Variants in DIP2C observed in about 807,000 individuals in gnomAD.
The protein encoded by DIP2C is disco-interacting protein 2 homolog C.
In DIP2C, 33 loss-of-function variants were observed where a neutral mutation model predicts 192.4. The ratio of observed to expected loss-of-function variants is 0.17; its 90% CI spans 0.13 to 0.23. The LOEUF is 0.23. DIP2C is among the 10% of genes least tolerant of loss of function. The probability of loss-of-function intolerance (pLI) is 1.00; values close to 1 mark genes in which losing one functional copy is unlikely to be tolerated. For missense variants in DIP2C, 1,537 were observed against 2,110.1 expected (o/e 0.73, Z 5.32); for synonymous variants, 979 against 864.1 (o/e 1.13, Z -2.33).
At chr10:602,725 C>T (rs1396829649) in intron 1 of DIP2C, among the ~76,000 whole-genome samples, 2 of 152,214 alleles carry the variant, frequency 1.3e-5, no homozygotes, top group Admixed American at 1.3e-4. Flanking sequence ...CCAGAGGCCT[C>T]CCGTGAGCCA....
intron 24 of DIP2C, among the ~76,000 whole-genome samples, chr10:354,766 A>C (rs1958997338): frequency 6.6e-6 from 1 of 152,000 alleles, no homozygotes; most frequent in Non-Finnish European, 1.5e-5. Flanking sequence ...GGGGTGCCGA[A>C]GGAGGCTGGA....
intron 1 of DIP2C, among the ~76,000 whole-genome samples, chr10:507,121 G>A (rs1245963640): frequency 6.7e-6 from 1 of 150,086 alleles, no homozygotes; most frequent in Non-Finnish European, 1.5e-5. Context: ...GCGAGGTTAG[G>A]GACCTGGTCA....
At chr10:574,136 G>T (rs993633976) in intron 1 of DIP2C, among the ~76,000 whole-genome samples, 1 of 152,170 alleles carries the variant, frequency 6.6e-6, no homozygotes, top group Non-Finnish European at 1.5e-5. Flanking sequence ...TGACTACACG[G>T]CCAGTAAGTT....
chr10:606,575 T>A (rs1361344145), intron 1 of DIP2C, among the ~76,000 whole-genome samples: 3 of 146,820 alleles, frequency 2.0e-5, no homozygotes, highest in Admixed American at 6.8e-5. Context: ...AGGGGATCTC[T>A]CGCCCCGCTG....
chr10:292,743 TTCA>T (rs1484462894), intron 32 of DIP2C, among the ~76,000 whole-genome samples: 1 of 152,220 alleles, frequency 6.6e-6, no homozygotes, highest in Non-Finnish European at 1.5e-5. Flanking sequence ...AATCAGGTTT[TTCA>T]TCATTTGTCT....
At chr10:674,876 G>T in intron 1 of DIP2C, among the ~76,000 whole-genome samples, 1 of 147,088 alleles carries the variant, frequency 6.8e-6, no homozygotes. Context: ...TTTCAGCACT[G>T]GAGATCATCT....
intron 29 of DIP2C, among the ~76,000 whole-genome samples, chr10:331,602 A>G (rs1001933698): frequency 2.6e-5 from 4 of 152,372 alleles, no homozygotes; most frequent in African/African-American, 9.6e-5. Context: ...AGTAATCCAG[A>G]AATTATTTAA....
chr10:476,764 G>A (rs1843066304), intron 2 of DIP2C, among the ~76,000 whole-genome samples: 1 of 152,158 alleles, frequency 6.6e-6, no homozygotes, highest in Non-Finnish European at 1.5e-5. Flanking sequence ...GGCTTGTTTT[G>A]AAAACAGGAA....
chr10:565,282 G>A (rs919601569), intron 1 of DIP2C, among the ~76,000 whole-genome samples: 5 of 146,896 alleles, frequency 3.4e-5, no homozygotes, highest in Admixed American at 6.8e-5. Context: ...TAAGAGTACC[G>A]CCCTTCCACA....
At chr10:535,146 A>C (rs1309589024) in intron 1 of DIP2C, among the ~76,000 whole-genome samples, 1 of 152,040 alleles carries the variant, frequency 6.6e-6, no homozygotes, top group Non-Finnish European at 1.5e-5. Flanking sequence ...AGCATCTCTC[A>C]CATCTCAAGT....
At chr10:412,727 G>A (rs1965268092) in intron 8 of DIP2C, among the ~76,000 whole-genome samples, 1 of 152,158 alleles carries the variant, frequency 6.6e-6, no homozygotes, top group Non-Finnish European at 1.5e-5. Flanking sequence ...ATAGCATCTG[G>A]CTTTTGACCT....
intron 1 of DIP2C, among the ~76,000 whole-genome samples, chr10:616,731 T>C (rs1465029517): frequency 6.6e-6 from 1 of 152,202 alleles, no homozygotes; most frequent in Non-Finnish European, 1.5e-5. Flanking sequence ...CCTGTGTACC[T>C]TCCTCAAAGT....
At chr10:343,162 G>T (rs1391630552) in intron 28 of DIP2C, among the ~76,000 whole-genome samples, 1 of 152,176 alleles carries the variant, frequency 6.6e-6, no homozygotes, top group Non-Finnish European at 1.5e-5. Flanking sequence ...GGTGGCGCAT[G>T]CCTGTAGTCC....
At chr10:580,584 A>C (rs1426615950) in intron 1 of DIP2C, among the ~76,000 whole-genome samples, 2 of 152,230 alleles carry the variant, frequency 1.3e-5, no homozygotes, top group African/African-American at 2.4e-5. Flanking sequence ...TGTAGTGTAC[A>C]TACCTATACA....
At chr10:655,290 C>T (rs1588692442) in intron 1 of DIP2C, among the ~76,000 whole-genome samples, 1 of 152,238 alleles carries the variant, frequency 6.6e-6, no homozygotes, top group African/African-American at 2.4e-5. Flanking sequence ...ACTCAGTCTT[C>T]GATGTCCATG....
chr10:286,162 C>T, intron 34 of DIP2C, 111 bp downstream of exon 34: 1 of 1,001,510 alleles, frequency 1.0e-6, no homozygotes, highest in Non-Finnish European at 1.5e-6. Context: ...TCACTCAGCT[C>T]AAACCGGTGT....
At chr10:587,072 C>T (rs1189417229) in intron 1 of DIP2C, among the ~76,000 whole-genome samples, 4 of 150,528 alleles carry the variant, frequency 2.7e-5, no homozygotes, top group African/African-American at 9.8e-5. Context: ...GCAAACAGTG[C>T]AGGGTCTAAG....
chr10:485,693 T>A (rs1201488184), intron 2 of DIP2C, among the ~76,000 whole-genome samples: 2 of 152,234 alleles, frequency 1.3e-5, no homozygotes, highest in Non-Finnish European at 2.9e-5. Flanking sequence ...TTCTAAAATC[T>A]TCTTTCAATG....
At chr10:637,973 T>C (rs1854929259) in intron 1 of DIP2C, among the ~76,000 whole-genome samples, 1 of 152,078 alleles carries the variant, frequency 6.6e-6, no homozygotes, top group African/African-American at 2.4e-5. Context: ...AAGCCAAGAC[T>C]CCTGCCCAAG....
Sources: allele counts gnomAD v4.1 joint callset (sites outside exome capture counted in the v4.1 genomes callset), GRCh38; gene constraint gnomAD v4.1.1; transcripts MANE v1.5; gene names NCBI Gene and HGNC (gene_info 2026-07-23, HGNC 2026-07-21).